The following KCNMB2 variants were observed in gnomAD, a reference collection of about 807,000 sequenced individuals.
KCNMB2 encodes the protein potassium calcium-activated channel subfamily M regulatory beta subunit 2.
A neutral mutation model predicts 24.5 loss-of-function variants in KCNMB2; 9 were observed. That is an observed-to-expected ratio of 0.37 (90% CI 0.22 to 0.64). The LOEUF (loss-of-function observed/expected upper bound fraction) is 0.64. Ranked by LOEUF, KCNMB2 falls within the 30% of genes least tolerant of loss-of-function variation. The pLI is 0.63. For synonymous variants in KCNMB2, 109 were observed against 104.4 expected, an observed-to-expected ratio of 1.04 and a Z score of -0.27; for missense variants, 226 against 284.3, an observed-to-expected ratio of 0.79 and a Z score of 1.47.
chr3:178,712,873 T>G (rs951516432), intron 1 of KCNMB2, among the ~76,000 whole-genome samples: 2 of 152,206 alleles, frequency 1.3e-5, no homozygotes, highest in Non-Finnish European at 2.9e-5. Flanking sequence ...CATCTGTGAA[T>G]TGGGAATACT....
intron 1 of KCNMB2, among the ~76,000 whole-genome samples, chr3:178,609,091 A>G (rs906472954): frequency 5.3e-5 from 8 of 152,158 alleles, no homozygotes; most frequent in African/African-American, 1.9e-4. Flanking sequence ...TGTTTTTACT[A>G]ATTTACATTC....
At chr3:178,602,311 A>G (rs1042504741) in intron 1 of KCNMB2, among the ~76,000 whole-genome samples, 2 of 151,468 alleles carry the variant, frequency 1.3e-5, no homozygotes, top group African/African-American at 4.9e-5. Context: ...CCACAAAAAA[A>G]TATATATATC....
At chr3:178,745,795 G>A (rs1381575733) in intron 1 of KCNMB2, among the ~76,000 whole-genome samples, 1 of 152,194 alleles carries the variant, frequency 6.6e-6, no homozygotes, top group Non-Finnish European at 1.5e-5. Flanking sequence ...AAATCCAGCA[G>A]GGCAATCAAA....
At chr3:178,748,579 G>C (rs552323790) in intron 1 of KCNMB2, 2 of 152,318 alleles carry the variant, frequency 1.3e-5, no homozygotes, top group South Asian at 2.1e-4. Flanking sequence ...CCCCTAAGTA[G>C]AGAGTTTGTA....
intron 2 of KCNMB2, among the ~76,000 whole-genome samples, chr3:178,811,817 A>G (rs1714204899): frequency 6.6e-6 from 1 of 152,216 alleles, no homozygotes. Context: ...TGAGATTCCC[A>G]TTGCTCAACA....
At chr3:178,746,281 T>C (rs1723664126) in intron 1 of KCNMB2, among the ~76,000 whole-genome samples, 1 of 152,202 alleles carries the variant, frequency 6.6e-6, no homozygotes, top group Non-Finnish European at 1.5e-5. Flanking sequence ...TGCAAAGGCT[T>C]GAGGCTTGCA....
At chr3:178,818,100 C>T (rs1260044668) in intron 2 of KCNMB2, among the ~76,000 whole-genome samples, 2 of 152,170 alleles carry the variant, frequency 1.3e-5, no homozygotes, top group East Asian at 3.8e-4. Flanking sequence ...GGTGCCCCAT[C>T]ATGTATCTGA....
At chr3:178,603,344 AG>A (rs1326957007) in intron 1 of KCNMB2, among the ~76,000 whole-genome samples, 2 of 152,210 alleles carry the variant, frequency 1.3e-5, no homozygotes, top group Non-Finnish European at 2.9e-5. Flanking sequence ...GACACAGGTC[AG>A]GGATCTGGGA....
intron 1 of KCNMB2, among the ~76,000 whole-genome samples, chr3:178,575,323 T>C (rs1716953117): frequency 6.6e-6 from 1 of 152,104 alleles, no homozygotes; most frequent in South Asian, 2.1e-4. Flanking sequence ...TTATGTCACA[T>C]CACCACAAGT....
intron 1 of KCNMB2, among the ~76,000 whole-genome samples, chr3:178,632,720 C>T (rs1719365397): frequency 6.6e-6 from 1 of 151,868 alleles, no homozygotes; most frequent in South Asian, 2.1e-4. Flanking sequence ...CATGTCCTCA[C>T]ATTTCAAAAC....
intron 1 of KCNMB2, among the ~76,000 whole-genome samples, chr3:178,717,052 TA>T (rs559096276): frequency 0.011 from 1,479 of 134,862 alleles, 4 homozygotes; most frequent in Non-Finnish European, 0.015. Flanking sequence ...TTCAGCAACT[TA>T]AAAAAAAAAA....
At chr3:178,834,509 A>G (rs1445881291) in intron 4 of KCNMB2, among the ~76,000 whole-genome samples, 2 of 152,192 alleles carry the variant, frequency 1.3e-5, no homozygotes, top group Non-Finnish European at 2.9e-5. Flanking sequence ...TCCAAGAGGC[A>G]CTTAGGATCA....
intron 1 of KCNMB2, among the ~76,000 whole-genome samples, chr3:178,707,423 T>A (rs6414483): frequency 6.6e-6 from 1 of 151,956 alleles, no homozygotes; most frequent in South Asian, 2.1e-4. Flanking sequence ...GTTGGTACTC[T>A]GAAGTGCCAT....
intron 1 of KCNMB2, among the ~76,000 whole-genome samples, chr3:178,655,939 G>T (rs1263662024): frequency 6.6e-6 from 1 of 152,144 alleles, no homozygotes; most frequent in Non-Finnish European, 1.5e-5. Flanking sequence ...TCTTTTACCG[G>T]GGATGGAACA....
At chr3:178,555,354 G>C (rs988546024) in intron 1 of KCNMB2, among the ~76,000 whole-genome samples, 2 of 152,156 alleles carry the variant, frequency 1.3e-5, no homozygotes, top group Non-Finnish European at 2.9e-5. Flanking sequence ...TAAGAGCGTG[G>C]GCTTTCACAC....
chr3:178,586,534 C>CTTTTTTT, intron 1 of KCNMB2, among the ~76,000 whole-genome samples: 1 of 68,516 alleles, frequency 1.5e-5, no homozygotes, highest in Admixed American at 1.7e-4. Flanking sequence ...TTTTTTTTTT[C>CTTTTTTT]TTTCTTTTTT....
chr3:178,794,300 C>T (rs548074342), intron 1 of KCNMB2, among the ~76,000 whole-genome samples: 1 of 152,198 alleles, frequency 6.6e-6, no homozygotes, highest in East Asian at 1.9e-4. Context: ...TTTTTGCCTC[C>T]CTAACCTCAA....
chr3:178,541,303 T>C (rs1047212208), intron 1 of KCNMB2, among the ~76,000 whole-genome samples: 3 of 152,184 alleles, frequency 2.0e-5, no homozygotes, highest in Non-Finnish European at 2.9e-5. Context: ...AGATCTCCTA[T>C]ACAAATGACT....
chr3:178,583,683 G>GC (rs1461805276), intron 1 of KCNMB2, among the ~76,000 whole-genome samples: 2 of 152,064 alleles, frequency 1.3e-5, no homozygotes, highest in Non-Finnish European at 2.9e-5. Flanking sequence ...CTTTTCTGAG[G>GC]CTCCGAAATT....
Sources: allele counts gnomAD v4.1 joint callset (sites outside exome capture counted in the v4.1 genomes callset), GRCh38; gene constraint gnomAD v4.1.1; transcripts MANE v1.5; gene names NCBI Gene and HGNC (gene_info 2026-07-23, HGNC 2026-07-21).